Variants in TRAPPC9 observed in about 807,000 individuals in gnomAD.
The protein encoded by TRAPPC9 is trafficking protein particle complex subunit 9.
A neutral mutation model predicts 124.0 loss-of-function variants in TRAPPC9; 83 were observed. The observed-to-expected ratio is 0.67, with a 90% CI of 0.56 to 0.80. The LOEUF is 0.80. Ranked by LOEUF, TRAPPC9 falls within the 30% of genes least tolerant of loss-of-function variation. TRAPPC9 has a pLI of 0.00. For missense variants in TRAPPC9, 1,302 were observed against 1,508.3 expected, an observed-to-expected ratio of 0.86 and a Z score of 2.27; for synonymous variants, 638 against 617.5, an observed-to-expected ratio of 1.03 and a Z score of -0.49.
At chr8:140,205,040 C>A (rs1270964183) in intron 17 of TRAPPC9, among the ~76,000 whole-genome samples, 4 of 152,060 alleles carry the variant, frequency 2.6e-5, no homozygotes, top group Non-Finnish European at 5.9e-5. Flanking sequence ...AGTTTAAAAA[C>A]AGAGAAAAGG....
intron 17 of TRAPPC9, among the ~76,000 whole-genome samples, chr8:140,170,535 C>G (rs1261144891): frequency 6.6e-6 from 1 of 152,110 alleles, no homozygotes; most frequent in Non-Finnish European, 1.5e-5. Flanking sequence ...GTCTTTACCT[C>G]TCAGGAACTT....
intron 21 of TRAPPC9, among the ~76,000 whole-genome samples, chr8:139,796,245 A>G (rs922081223): frequency 2.6e-5 from 4 of 152,174 alleles, no homozygotes; most frequent in Admixed American, 6.5e-5. Flanking sequence ...ACATATTCAT[A>G]TAACTCAGTC....
chr8:140,021,982 G>T (rs562342408), intron 18 of TRAPPC9, among the ~76,000 whole-genome samples: 1 of 152,222 alleles, frequency 6.6e-6, no homozygotes, highest in African/African-American at 2.4e-5. Flanking sequence ...GGAGCAAAGC[G>T]CCCTTTACAC....
At chr8:140,277,560 C>T (rs1314752123) in intron 14 of TRAPPC9, among the ~76,000 whole-genome samples, 6 of 152,364 alleles carry the variant, frequency 3.9e-5, no homozygotes, top group East Asian at 3.9e-4. Flanking sequence ...AACAAAACAA[C>T]GCTTCACCTG....
At chr8:140,131,059 T>A (rs548257814) in intron 17 of TRAPPC9, among the ~76,000 whole-genome samples, 63 of 152,334 alleles carry the variant, frequency 4.1e-4, no homozygotes, top group African/African-American at 1.5e-3. Context: ...AAGGGTACTT[T>A]TAAAACTTTC....
At chr8:139,869,155 C>T (rs1184454324) in intron 21 of TRAPPC9, among the ~76,000 whole-genome samples, 3 of 152,156 alleles carry the variant, frequency 2.0e-5, no homozygotes, top group African/African-American at 7.2e-5. Flanking sequence ...ATTAAAAAGA[C>T]TTTGAAGTTG....
intron 9 of TRAPPC9, among the ~76,000 whole-genome samples, chr8:140,356,967 G>C (rs567514862): frequency 6.6e-6 from 1 of 152,146 alleles, no homozygotes; most frequent in African/African-American, 2.4e-5. Flanking sequence ...TTCCCCATAA[G>C]CAATCACGAT....
intron 21 of TRAPPC9, among the ~76,000 whole-genome samples, chr8:139,857,808 A>G (rs573947751): frequency 5.3e-5 from 8 of 152,356 alleles, no homozygotes; most frequent in South Asian, 4.1e-4. Flanking sequence ...ACTAGCCCCA[A>G]AAAAGGTGCA....
chr8:139,921,565 G>C (rs1832502302), intron 19 of TRAPPC9, among the ~76,000 whole-genome samples: 1 of 152,128 alleles, frequency 6.6e-6, no homozygotes, highest in Non-Finnish European at 1.5e-5. Context: ...GAGCTGGAGA[G>C]AAGTGTTGAC....
rs200587990 is a variant in TRAPPC9, at chr8:140,408,443, C to CA, written c.887-2746dup. ...ACCCAGACATACACATAAGATAAAG[C>CA]AAAAAAAAGAAGGAAGACAGCAGAG... On this transcript the variant is annotated intron_variant, in intron 5 of 22. Transcript: ENST00000438773. Among the ~76,000 whole-genome samples the CA allele has an allele frequency of 3.5e-3, 528 of 151,066 alleles. 1 individual carries two copies. Among genetic ancestry groups the CA allele is most frequent in the African/African-American group, 0.011 (468 of 41,236 alleles).
intron 17 of TRAPPC9, among the ~76,000 whole-genome samples, chr8:140,078,502 G>A (rs1231451501): frequency 6.6e-6 from 1 of 152,204 alleles, no homozygotes; most frequent in Admixed American, 6.5e-5. Context: ...TGGGACAGAA[G>A]GCCAGAGGTG....
chr8:139,903,901 G>A (rs13275603), intron 20 of TRAPPC9, among the ~76,000 whole-genome samples: 169 of 152,030 alleles, frequency 1.1e-3, no homozygotes, highest in African/African-American at 4.0e-3. Flanking sequence ...AATTAGCCAG[G>A]CGTGGTGGCA....
At chr8:139,943,469 C>T (rs976251821) in intron 19 of TRAPPC9, among the ~76,000 whole-genome samples, 1 of 152,140 alleles carries the variant, frequency 6.6e-6, no homozygotes, top group African/African-American at 2.4e-5. Flanking sequence ...TCCAGAGACT[C>T]CACACATAAG....
intron 18 of TRAPPC9, chr8:140,008,699 C>T (rs1838925138): frequency 6.6e-6 from 1 of 152,244 alleles, no homozygotes; most frequent in South Asian, 2.1e-4. Context: ...CACCTCCTGG[C>T]CTCCCAGACC....
chr8:140,138,608 A>T (rs1451551256), intron 17 of TRAPPC9, among the ~76,000 whole-genome samples: 1 of 152,124 alleles, frequency 6.6e-6, no homozygotes, highest in Non-Finnish European at 1.5e-5. Context: ...AGAAGGTGAG[A>T]CCAGCTTCTG....
At chr8:140,440,848 C>T (rs79077426) in intron 2 of TRAPPC9, among the ~76,000 whole-genome samples, 6,450 of 152,190 alleles carry the variant, frequency 0.042, 304 homozygotes, top group African/African-American at 0.11. Flanking sequence ...AGGCTCTATC[C>T]GCCTCACAAC....
intron 19 of TRAPPC9, 26 bp downstream of exon 19, chr8:139,988,700 G>A (rs371718025): frequency 9.3e-5 from 139 of 1,487,358 alleles, no homozygotes; most frequent in African/African-American, 2.1e-4. Flanking sequence ...GGCCTGCGGC[G>A]GCGCGAGGGT....
intron 16 of TRAPPC9, among the ~76,000 whole-genome samples, chr8:140,233,113 TAA>T (rs1191573608): frequency 2.0e-5 from 3 of 152,210 alleles, no homozygotes; most frequent in Non-Finnish European, 4.4e-5. Context: ...CATTGATTTT[TAA>T]AAGTCTCCAA....
At chr8:140,164,864 A>G (rs1256164120) in intron 17 of TRAPPC9, among the ~76,000 whole-genome samples, 1 of 151,956 alleles carries the variant, frequency 6.6e-6, no homozygotes, top group East Asian at 1.9e-4. Context: ...GCCCATACCT[A>G]ACTCCTGGCT....
Sources: gnomAD v4.1 joint callset for allele counts (sites outside exome capture counted in the v4.1 genomes callset) on GRCh38, gnomAD v4.1.1 for gene constraint, MANE v1.5 for transcripts, NCBI Gene and HGNC (gene_info 2026-07-23, HGNC 2026-07-21) for gene names.